IKBKB: variants seen among roughly 807,000 people sequenced by gnomAD.
The protein encoded by IKBKB is inhibitor of nuclear factor kappa-B kinase subunit beta.
In IKBKB, 42 loss-of-function variants were observed where a neutral mutation model predicts 113.6. The ratio of observed to expected loss-of-function variants is 0.37; its 90% CI spans 0.29 to 0.48. IKBKB has a LOEUF of 0.48. Among genes scored for constraint, IKBKB ranks in the 20% least tolerant of loss-of-function variants. The pLI is 0.99. For synonymous variants in IKBKB, 296 were observed against 361.3 expected, an observed-to-expected ratio of 0.82 and a Z score of 2.05; for missense variants, 673 against 939.7, an observed-to-expected ratio of 0.72 and a Z score of 3.71.
At chr8:42,325,360 C>T (rs990788607) in intron 19 of IKBKB, 4 of 985,810 alleles carry the variant, frequency 4.1e-6, no homozygotes, top group African/African-American at 3.5e-5. Flanking sequence ...ACCTGGAAAA[C>T]AGTAAGAATA....
chr8:42,309,104 C>T (rs1817170838), intron 8 of IKBKB, 79 bp downstream of exon 8: 5 of 1,465,406 alleles, frequency 3.4e-6, no homozygotes, highest in Non-Finnish European at 4.6e-6. Context: ...TTCCCTGGCG[C>T]CCCATCACCG....
intron 7 of IKBKB, 34 bp downstream of exon 7, chr8:42,306,466 C>T (rs202118271): frequency 1.5e-6 from 2 of 1,351,844 alleles, no homozygotes; most frequent in South Asian, 1.2e-5. Context: ...TGCCTGTCAG[C>T]TCCTCCCTGC....
intron 19 of IKBKB, among the ~76,000 whole-genome samples, chr8:42,324,272 CT>C (rs1047731037): frequency 2.0e-5 from 3 of 151,190 alleles, no homozygotes; most frequent in Non-Finnish European, 4.4e-5. Context: ...GCTTCATTTT[CT>C]TTTTTTTTCG....
In IKBKB at chr8:42,271,477, C is replaced by A. The variant is rs761298619; in HGVS notation, c.-19+8C>A. The A allele has an allele frequency of 5.9e-6, 7 of 1,187,890 alleles. No individual in the cohort carries two copies. In the African/African-American group the frequency reaches 9.4e-5, roughly 16 times the overall value. 73.6% of individuals were successfully genotyped at this position (1,187,890 alleles called of 1,614,324 possible). On this transcript the variant is annotated splice_region_variant and intron_variant, in intron 1 of 21. Coordinates refer to ENST00000520810, the MANE Select transcript of IKBKB (RefSeq NM_001556.3). ...CCGCGTCCCTGCCGACAGGTGAGTC[C>A]CCCTCGTGGGTGCGGCCCGGGTGCC...
At chr8:42,301,599 C>G (rs1815219011) in intron 5 of IKBKB, among the ~76,000 whole-genome samples, 1 of 152,176 alleles carries the variant, frequency 6.6e-6, no homozygotes, top group Non-Finnish European at 1.5e-5. Context: ...TTCTTTAAAT[C>G]TGGACTTTAT....
At position 42,332,249 on chromosome 8, in the gene IKBKB, C is replaced by A. The variant is rs1821750786; in HGVS notation, c.*1270C>A. The A allele has an allele frequency of 6.6e-6, 1 of 152,190 alleles. No homozygotes were observed. Among genetic ancestry groups the A allele is most frequent in the South Asian group, 2.1e-4 (1 of 4,832 alleles). The allele number at this position is 152,190 out of a possible 1,614,324, so 9.4% of individuals were successfully genotyped here. ...TAAGTTTAGGGAGCTATTCATGTTT[C>A]ACTTGCTTTGTGGAGATTCACACTA... On this transcript the variant is annotated 3_prime_UTR_variant, in exon 22 of 22. Transcript: ENST00000520810.
chr8:42,324,116 T>G (rs1288308139), intron 19 of IKBKB, among the ~76,000 whole-genome samples: 1 of 152,168 alleles, frequency 6.6e-6, no homozygotes, highest in Non-Finnish European at 1.5e-5. Flanking sequence ...AGTGAGGATG[T>G]TCCAGGACAG....
At chr8:42,305,314 C>T (rs377135610) in intron 6 of IKBKB, 39 bp downstream of exon 6, 24 of 1,354,546 alleles carry the variant, frequency 1.8e-5, no homozygotes, top group African/African-American at 1.3e-4. Flanking sequence ...CTCAGGTGGG[C>T]GTGCCGGGAA....
At chr8:42,288,595 C>A in intron 2 of IKBKB, 39 bp from the exon 3 acceptor site, 1 of 1,533,952 alleles carries the variant, frequency 6.5e-7, no homozygotes, top group Non-Finnish European at 8.9e-7. Context: ...ATTTGGCCTG[C>A]AGCTCGCTCT....
chr8:42,303,091 A>AGAG (rs1815674933), intron 5 of IKBKB, among the ~76,000 whole-genome samples: 14 of 57,834 alleles, frequency 2.4e-4, no homozygotes, highest in African/African-American at 1.1e-3. Context: ...GAGAGAGAGA[A>AGAG]TGAGAGAGAG....
rs2130745142 is a variant in IKBKB, at chr8:42,331,202, C to T, written c.*223C>T. ...CAGCAGCTGTGACTTTCACCCAGGA[C>T]CCAGGACGCAGCCCTCCGTGGGCAC... On this transcript the variant is annotated 3_prime_UTR_variant, in exon 22 of 22. Transcript: ENST00000520810. 2.6e-6 allele frequency: 2 copies of T among 770,028 alleles called. No individual in the cohort carries two copies. The highest frequency in any genetic ancestry group is 4.0e-5 in the Admixed American group (2 of 50,090). The allele number at this position is 770,028 out of a possible 1,614,324, so 47.7% of individuals were successfully genotyped here.
chr8:42,291,538 TCACTC>T (rs1342488153), intron 4 of IKBKB, among the ~76,000 whole-genome samples: 3 of 152,212 alleles, frequency 2.0e-5, no homozygotes, highest in Admixed American at 6.5e-5. Flanking sequence ...GTGCACCTCT[TCACTC>T]CAGAAGGGTC....
chr8:42,272,546 CTAAA>C, intron 2 of IKBKB: 1 of 390,954 alleles, frequency 2.6e-6, no homozygotes, highest in African/African-American at 2.1e-5. Context: ...AAGGATGAGA[CTAAA>C]TAAATAATTT....
At chr8:42,322,236 G>C in intron 18 of IKBKB, 83 bp downstream of exon 18, 1 of 1,553,910 alleles carries the variant, frequency 6.4e-7, no homozygotes. Flanking sequence ...TCTCTGATTC[G>C]CTGGACCTCA....
chr8:42,304,929 T>C (rs1761692149), intron 5 of IKBKB, among the ~76,000 whole-genome samples: 1 of 152,190 alleles, frequency 6.6e-6, no homozygotes, highest in Admixed American at 6.5e-5. Flanking sequence ...CCAGGTAGTA[T>C]AGTTTGAGAA....
chr8:42,308,461 C>A (rs1488230660), intron 7 of IKBKB, among the ~76,000 whole-genome samples: 2 of 151,984 alleles, frequency 1.3e-5, no homozygotes, highest in Admixed American at 6.5e-5. Context: ...CCATGCCCAG[C>A]TAATTTTTGT....
intron 6 of IKBKB, among the ~76,000 whole-genome samples, chr8:42,306,032 C>T (rs1175431501): frequency 1.3e-5 from 2 of 152,234 alleles, no homozygotes; most frequent in Non-Finnish European, 2.9e-5. Context: ...CCCGGTCCTT[C>T]CTGTTTCAAG....
chr8:42,330,994 A>G lies in IKBKB; in HGVS notation c.*15A>G, dbSNP rs781749402. On this transcript the variant is annotated 3_prime_UTR_variant, in exon 22 of 22. Transcript: ENST00000520810. ...AGGCCTCATGATGTGGGGGGACTCG[A>G]CCCCCTGACATGGGGCAGCCCATAG... The G allele has an allele frequency of 6.2e-7, 1 of 1,613,126 alleles. No individual in the cohort carries two copies. Among genetic ancestry groups the G allele is most frequent in the Non-Finnish European group, 8.5e-7 (1 of 1,179,824 alleles).
In IKBKB at chr8:42,328,032, G is replaced by A. The variant is rs1207857179; in HGVS notation, c.2115-1092G>A. On this transcript the variant is annotated intron_variant, in intron 20 of 21. Coordinates refer to ENST00000520810, the MANE Select transcript of IKBKB (RefSeq NM_001556.3). ...TCACCTTGTTAGCCAGGATGGTCTC[G>A]ATCTCCTGACCTCATGATCCACCCG... Among the ~76,000 whole-genome samples, 2 of 35,876 alleles carry A rather than the reference G, an allele frequency of 5.6e-5. 1 individual carries two copies. The highest frequency in any genetic ancestry group is 1.1e-3 in the Admixed American group (2 of 1,806). The allele number at this position is 35,876 out of a possible 152,430, so 23.5% of individuals were successfully genotyped here. A position where few individuals can be genotyped will look rare whatever the true frequency, so the allele number is the denominator to read the frequency against.
Sources: allele counts gnomAD v4.1 joint callset (sites outside exome capture counted in the v4.1 genomes callset), GRCh38; gene constraint gnomAD v4.1.1; transcripts MANE v1.5; gene names NCBI Gene and HGNC (gene_info 2026-07-23, HGNC 2026-07-21).